LIPH: variants seen among roughly 807,000 people sequenced by gnomAD.
The protein encoded by LIPH is lipase member H.
In LIPH, 32 loss-of-function variants were observed where a neutral mutation model predicts 47.6. That is an observed-to-expected ratio of 0.67 (90% confidence interval 0.51 to 0.90). LIPH has a LOEUF of 0.90. Ranked by LOEUF, LIPH falls within the 40% of genes least tolerant of loss-of-function variation. LIPH has a pLI of 0.00. For synonymous variants in LIPH, 190 were observed against 195.6 expected, an observed-to-expected ratio of 0.97 and a Z score of 0.24; for missense variants, 497 against 541.4, an observed-to-expected ratio of 0.92 and a Z score of 0.81.
Position 185,534,980 on chromosome 3 carries a change from T to C in LIPH, c.202A>G (p.Thr68Ala). Residue 68 changes from threonine (T) to alanine (A), a missense_variant, in exon 2 of 10, where the codon ACC (threonine) becomes GCC (alanine). Thr to Ala is a moderately conservative substitution (Grantham distance 58). Transcript: ENST00000296252. ...TGGACAATGAAGGTGGTTTTCTTGG[T>C]CACATTCAAGTTCCCAAAAGCTGAG... ...NSSAFGNLNV[T>A]KKTTFIVHGF... 6.2e-7 allele frequency: 1 copy of C among 1,613,906 alleles called. No individual in the cohort carries two copies. Among genetic ancestry groups the C allele is most frequent in the Non-Finnish European group, 8.5e-7 (1 of 1,179,904 alleles).
intron 2 of LIPH, among the ~76,000 whole-genome samples, chr3:185,533,923 G>A (rs567290843): frequency 6.6e-6 from 1 of 152,320 alleles, no homozygotes; most frequent in East Asian, 1.9e-4. Flanking sequence ...GAGCAGAGCA[G>A]GATTCAAAAT....
At chr3:185,525,721 C>T (rs1359290524) in intron 4 of LIPH, among the ~76,000 whole-genome samples, 2 of 152,188 alleles carry the variant, frequency 1.3e-5, no homozygotes, top group Non-Finnish European at 2.9e-5. Context: ...CAAAACTATA[C>T]CCTTTCCTTC....
At position 185,509,254 on chromosome 3, in the gene LIPH, T is replaced by C. The variant is rs140723996; in HGVS notation, c.1269-377A>G. On this transcript the variant is annotated intron_variant, in intron 9 of 9. Coordinates refer to ENST00000296252, the MANE Select transcript of LIPH (RefSeq NM_139248.3). ...GAGCTGAGATCACGCCATTGCACTC[T>C]GGCCTGGGTGACAGAATGAGACTCT... is the stretch of plus-strand genomic sequence containing the variant. Among the ~76,000 whole-genome samples the C allele has an allele frequency of 3.5e-3, 529 of 150,016 alleles. 3 individuals are homozygous for C. The highest frequency in any genetic ancestry group is 0.015 in the Middle Eastern group (4 of 272).
intron 5 of LIPH, among the ~76,000 whole-genome samples, chr3:185,520,627 A>G (rs370905875): frequency 8.5e-5 from 13 of 152,120 alleles, no homozygotes; most frequent in African/African-American, 3.1e-4. Flanking sequence ...GCAAACAACT[A>G]GCTTCAGTCA....
rs749778814 is a variant in LIPH, at chr3:185,506,417, C to T, written c.*2373G>A. The T allele has an allele frequency of 3.3e-5, 5 of 152,166 alleles. No individual in the cohort carries two copies. Among genetic ancestry groups the T allele is most frequent in the Non-Finnish European group, 7.3e-5 (5 of 68,032 alleles). The allele number at this position is 152,166 out of a possible 1,614,324, so 9.4% of individuals were successfully genotyped here. Reference sequence around the variant, plus strand: ...CAGGTACTGAGAGCTAGGAGACCCACGAGCCTAGAGTTTACAAAGTAGTAG... The same window carrying T: ...CAGGTACTGAGAGCTAGGAGACCCATGAGCCTAGAGTTTACAAAGTAGTAG... On this transcript the variant is annotated 3_prime_UTR_variant, in exon 10 of 10. Coordinates refer to ENST00000296252, the MANE Select transcript of LIPH (RefSeq NM_139248.3).
At chr3:185,512,022 A>G (rs1719582662) in intron 8 of LIPH, among the ~76,000 whole-genome samples, 1 of 152,032 alleles carries the variant, frequency 6.6e-6, no homozygotes, top group Admixed American at 6.6e-5. Context: ...CTCTCGACTC[A>G]TCTCTCCAAC....
intron 5 of LIPH, among the ~76,000 whole-genome samples, chr3:185,520,598 T>C (rs1189639235): frequency 2.0e-5 from 3 of 152,122 alleles, no homozygotes; most frequent in Admixed American, 1.3e-4. Context: ...TATATTTACT[T>C]AGAGAAAGGT....
intron 5 of LIPH, among the ~76,000 whole-genome samples, chr3:185,520,526 GA>G (rs1315037450): frequency 6.9e-6 from 1 of 144,688 alleles, no homozygotes; most frequent in South Asian, 2.2e-4. Flanking sequence ...CAAAAAAAAA[GA>G]AAAAAAAAAG....
intron 8 of LIPH, among the ~76,000 whole-genome samples, chr3:185,513,913 G>A (rs914072514): frequency 5.3e-5 from 8 of 152,242 alleles, no homozygotes; most frequent in South Asian, 2.1e-4. Flanking sequence ...GGTGGCATGT[G>A]CCTGTAGTCC....
At chr3:185,514,856 G>A (rs891459007) in intron 7 of LIPH, among the ~76,000 whole-genome samples, 2 of 152,010 alleles carry the variant, frequency 1.3e-5, no homozygotes, top group South Asian at 2.1e-4. Flanking sequence ...CCAACTAAGG[G>A]GCCATTCGGA....
At chr3:185,513,127 G>A (rs915697164) in intron 8 of LIPH, among the ~76,000 whole-genome samples, 4 of 152,148 alleles carry the variant, frequency 2.6e-5, no homozygotes, top group Admixed American at 2.6e-4. Context: ...CAGATCACAA[G>A]GTCAAGAGAT....
intron 1 of LIPH, among the ~76,000 whole-genome samples, chr3:185,539,591 G>A (rs905031369): frequency 2.0e-5 from 3 of 150,662 alleles, no homozygotes; most frequent in East Asian, 2.0e-4. Flanking sequence ...GGCTGGTCTC[G>A]AACTCCAGAC....
At chr3:185,541,348 C>T (rs1418317567) in intron 1 of LIPH, among the ~76,000 whole-genome samples, 1 of 151,926 alleles carries the variant, frequency 6.6e-6, no homozygotes, top group Admixed American at 6.6e-5. Context: ...CAGTCTCTTC[C>T]CATTGTCAAA....
chr3:185,532,052 TA>T (rs1469193601), intron 3 of LIPH, among the ~76,000 whole-genome samples: 5 of 152,138 alleles, frequency 3.3e-5, no homozygotes, highest in Non-Finnish European at 2.9e-5. Flanking sequence ...AATGTTCAGA[TA>T]AGAATCCTTG....
At chr3:185,524,574 C>T (rs562358130) in intron 4 of LIPH, among the ~76,000 whole-genome samples, 52 of 152,010 alleles carry the variant, frequency 3.4e-4, no homozygotes, top group African/African-American at 9.6e-4. Context: ...CTCAGCCTCC[C>T]GAGTAGCTGG....
At chr3:185,547,866 C>A (rs776374935) in intron 1 of LIPH, among the ~76,000 whole-genome samples, 2 of 151,656 alleles carry the variant, frequency 1.3e-5, no homozygotes, top group Non-Finnish European at 2.9e-5. Flanking sequence ...AAAGTATTTA[C>A]TGAGACCCAG....
intron 3 of LIPH, among the ~76,000 whole-genome samples, chr3:185,532,286 A>C (rs1172781244): frequency 6.6e-6 from 1 of 150,548 alleles, no homozygotes; most frequent in African/African-American, 2.4e-5. Flanking sequence ...CTGAAGTGAG[A>C]GGATTGCTTG....
chr3:185,525,954 G>A (rs942266159), intron 4 of LIPH, among the ~76,000 whole-genome samples: 6 of 152,158 alleles, frequency 3.9e-5, no homozygotes, highest in Non-Finnish European at 8.8e-5. Flanking sequence ...CCACTCTGCT[G>A]TTTCCTCAAT....
At chr3:185,548,616 A>T (rs1250523511) in intron 1 of LIPH, among the ~76,000 whole-genome samples, 2 of 151,984 alleles carry the variant, frequency 1.3e-5, no homozygotes, top group East Asian at 3.9e-4. Context: ...AGTCCCAGCT[A>T]CTTGGGAGGC....
Sources: gnomAD v4.1 joint callset for allele counts (sites outside exome capture counted in the v4.1 genomes callset) on GRCh38, gnomAD v4.1.1 for gene constraint, MANE v1.5 for transcripts, NCBI Gene and HGNC (gene_info 2026-07-23, HGNC 2026-07-21) for gene names.